Variants in ADGRB1 observed in about 807,000 individuals in gnomAD.
ADGRB1 encodes the protein adhesion G protein-coupled receptor B1.
A neutral mutation model predicts 175.7 loss-of-function variants in ADGRB1; 36 were observed. The ratio of observed to expected loss-of-function variants is 0.20; its 90% CI spans 0.16 to 0.27. ADGRB1 has a LOEUF of 0.27. ADGRB1 is among the 10% of genes least tolerant of loss of function. The pLI, the probability that ADGRB1 is intolerant of heterozygous loss-of-function variation, is 1.00. For missense variants in ADGRB1, 1,731 were observed against 2,255.3 expected, an observed-to-expected ratio of 0.77 and a Z score of 4.71; for synonymous variants, 1,054 against 979.4, an observed-to-expected ratio of 1.08 and a Z score of -1.42.
Position 142,477,139 on chromosome 8 carries a change from C to G in ADGRB1, c.1083C>G (p.Ser361=). 6.3e-7 allele frequency: 1 copy of G among 1,587,444 alleles called. No individual in the cohort carries two copies. The highest frequency in any genetic ancestry group is 8.5e-7 in the Non-Finnish European group (1 of 1,173,912). ...QTGDPAAEEW[S]PWSVCSSTCG... Reference sequence around the variant, plus strand: ...GTGACCCAGCAGCCGAGGAGTGGTCCCCGTGGAGCGTGTGCTCCAGCACCT... The same window carrying G: ...GTGACCCAGCAGCCGAGGAGTGGTCGCCGTGGAGCGTGTGCTCCAGCACCT... Residue 361 remains serine (S), a synonymous_variant, in exon 5 of 31, where the codon TCC becomes TCG. Coordinates refer to ENST00000517894, the MANE Select transcript of ADGRB1 (RefSeq NM_001702.3).
At chr8:142,533,258 G>A (rs891263487) in intron 24 of ADGRB1, 37 bp from the exon 25 acceptor site, 15 of 1,139,336 alleles carry the variant, frequency 1.3e-5, no homozygotes, top group Non-Finnish European at 1.8e-5. Flanking sequence ...CTGGGGGCAG[G>A]GGCGGGGGCG....
chr8:142,502,201 AGGT>A (rs1563718627), intron 17 of ADGRB1, among the ~76,000 whole-genome samples: 4 of 19,344 alleles, frequency 2.1e-4, no homozygotes, highest in African/African-American at 3.7e-4. Flanking sequence ...ATGACAGTGG[AGGT>A]GGTGGTGGTG....
chr8:142,512,011 G>A (rs113650366), intron 18 of ADGRB1, among the ~76,000 whole-genome samples: 3 of 152,370 alleles, frequency 2.0e-5, no homozygotes, highest in African/African-American at 7.2e-5. Context: ...GTAGCGCCTA[G>A]CCTCTCGGAC....
Position 142,484,657 on chromosome 8 carries a change from C to T in ADGRB1, c.2201C>T (p.Ala734Val), listed in dbSNP as rs555997700. Residue 734 changes from alanine to valine, a missense_variant and splice_region_variant, in exon 13 of 31, where the codon GCG becomes GTG. Transcript: ENST00000517894. ...NRDKWEEAQL[A>V]GPNAKELFRL... ...GCTGCTCACCCCCCTGCCCTCCAGG[C>T]GGGCCCCAACGCCAAGGAGCTGTTC... The T allele has an allele frequency of 3.2e-5, 52 of 1,607,542 alleles. No homozygotes were observed. Among genetic ancestry groups the T allele is most frequent in the Middle Eastern group, 3.3e-4 (2 of 6,048 alleles).
chr8:142,516,290 T>TGC (rs1563731144), intron 18 of ADGRB1, among the ~76,000 whole-genome samples: 1 of 120,704 alleles, frequency 8.3e-6, no homozygotes, highest in Admixed American at 8.3e-5. Context: ...TGCGTGTGTG[T>TGC]GGGCCCCAGG....
At chr8:142,509,203 T>C (rs1842964603) in intron 17 of ADGRB1, among the ~76,000 whole-genome samples, 1 of 152,170 alleles carries the variant, frequency 6.6e-6, no homozygotes, top group South Asian at 2.1e-4. Flanking sequence ...CTCTGGGCTA[T>C]CAGACATGGG....
At chr8:142,473,292 T>C (rs1840763494) in intron 2 of ADGRB1, among the ~76,000 whole-genome samples, 1 of 152,050 alleles carries the variant, frequency 6.6e-6, no homozygotes, top group African/African-American at 2.4e-5. Flanking sequence ...CCTGACCCAT[T>C]GTCAGGCCCG....
intron 23 of ADGRB1, among the ~76,000 whole-genome samples, 165 bp from the exon 24 acceptor site, chr8:142,526,377 T>C (rs1014987179): frequency 1.3e-5 from 2 of 152,136 alleles, no homozygotes; most frequent in African/African-American, 4.8e-5. Context: ...GGAGGTCACC[T>C]GACATCCCAT....
chr8:142,542,659 A>G lies in ADGRB1; in HGVS notation c.4413+12A>G, dbSNP rs781555757. 4.6e-6 allele frequency: 7 copies of G among 1,537,796 alleles called. No individual in the cohort carries two copies. The South Asian group carries it at 8.4e-5, about 18-fold the overall frequency. Reference sequence around the variant, plus strand: ...TGAGCTCCCTGGAGGTGAGGGGGGCAGGGGTGGGCCACACCCCAGCCAGCG... The same window carrying G: ...TGAGCTCCCTGGAGGTGAGGGGGGCGGGGGTGGGCCACACCCCAGCCAGCG... On this transcript the variant is annotated intron_variant, in intron 28 of 30. Transcript: ENST00000517894. The surrounding 1 kb of genome is among the most constrained non-coding windows in gnomAD (Gnocchi z 6.3).
chr8:142,538,954 A>G (rs1845100930), intron 26 of ADGRB1, among the ~76,000 whole-genome samples: 1 of 152,130 alleles, frequency 6.6e-6, no homozygotes, highest in African/African-American at 2.4e-5. Context: ...CCTTGGAGAG[A>G]GCACACATGT....
At chr8:142,529,235 T>G (rs964338816) in intron 24 of ADGRB1, among the ~76,000 whole-genome samples, 6 of 149,884 alleles carry the variant, frequency 4.0e-5, no homozygotes, top group African/African-American at 7.4e-5. Flanking sequence ...CCACTGGGGG[T>G]GTGTGGGTAT....
At position 142,462,224 on chromosome 8, in the gene ADGRB1, C is replaced by T. The variant is rs367760880; in HGVS notation, c.-219-1756C>T. 5.4e-4 allele frequency among the ~76,000 whole-genome samples: 82 copies of T among 152,296 alleles called. No individual in the cohort carries two copies. In the Middle Eastern group the frequency reaches 0.01, roughly 19 times the overall value. ...TTCTCTTGGGAGCCCGGAATGTTTGCCAGGAATGAGACCACAGAGGGCCAG... is the reference window on the plus strand; with the variant it reads ...TTCTCTTGGGAGCCCGGAATGTTTGTCAGGAATGAGACCACAGAGGGCCAG... On this transcript the variant is annotated intron_variant, in intron 1 of 30. Transcript: ENST00000517894.
At chr8:142,513,046 G>C (rs901016900) in intron 18 of ADGRB1, among the ~76,000 whole-genome samples, 23 of 152,096 alleles carry the variant, frequency 1.5e-4, no homozygotes, top group Non-Finnish European at 1.5e-5. Flanking sequence ...CTGTCGGGGG[G>C]CGCTTCTAGT....
rs1266405480 is a variant in ADGRB1 at position 142,542,478 on chromosome 8, C to T, written c.4244C>T (p.Pro1415Leu). The change falls in exon 28 of 31, where the codon CCG becomes CTG. Residue 1415 changes from proline to leucine, a missense_variant. Physicochemically the swap from Pro to Leu is moderately conservative, Grantham distance 98. Around this residue, in one of 8 missense-constraint regions of ADGRB1, gnomAD observed 394 missense variants for 410.2 expected, o/e 0.96. Transcript: ENST00000517894. The surrounding 1 kb of genome is among the most constrained non-coding windows in gnomAD (Gnocchi z 6.3). ...CCCCCTGCCCAGCCCCCACCGCCTC[C>T]GCCCCCACCGCCACCACCTCCCCAG... is the stretch of plus-strand genomic sequence containing the variant. ...EAPPAQPPPP[P>L]PPPPPPPQQP... The T allele has an allele frequency of 1.6e-5, 20 of 1,268,332 alleles. No homozygotes were observed. The highest frequency in any genetic ancestry group is 1.1e-4 in the South Asian group (7 of 62,104). The allele number at this position is 1,268,332 out of a possible 1,614,324, so 78.6% of individuals were successfully genotyped here. A position where few individuals can be genotyped will look rare whatever the true frequency, so the allele number is the denominator to read the frequency against.
chr8:142,490,862 C>G, intron 17 of ADGRB1, 47 bp downstream of exon 17: 1 of 1,551,320 alleles, frequency 6.4e-7, no homozygotes, highest in Non-Finnish European at 8.7e-7. Flanking sequence ...GGGTGGGGTT[C>G]GTGGGAGGCT....
chr8:142,475,969 G>A (rs997120595), intron 3 of ADGRB1, among the ~76,000 whole-genome samples: 5 of 151,794 alleles, frequency 3.3e-5, no homozygotes, highest in South Asian at 4.1e-4. Flanking sequence ...GGTGCTTGGG[G>A]CTGGGTGGGA....
Position 142,475,580 on chromosome 8 carries a change from C to T in ADGRB1, c.891C>T (p.Gly297=), listed in dbSNP as rs1840914937. 6 of 1,259,362 alleles carry T rather than the reference C, an allele frequency of 4.8e-6. No individual in the cohort carries two copies. Among genetic ancestry groups the T allele is most frequent in the South Asian group, 7.5e-5 (2 of 26,694 alleles). 78.0% of individuals were successfully genotyped at this position (1,259,362 alleles called of 1,614,324 possible). ...TCLPAPGVEG[G]GCEGVLEEGR... ...TGCCCGCGCCGGGCGTGGAGGGCGG[C>T]GGCTGCGAGGGGGTGCTGGAGGAGG... Residue 297 remains glycine, a synonymous_variant, in exon 3 of 31, where the codon GGC becomes GGT. Coordinates refer to ENST00000517894, the MANE Select transcript of ADGRB1 (RefSeq NM_001702.3).
At position 142,481,502 on chromosome 8, in the gene ADGRB1, C is replaced by G. The variant is rs746796157; in HGVS notation, c.1936-15C>G. On this transcript the variant is annotated splice_polypyrimidine_tract_variant and intron_variant, in intron 10 of 30. Coordinates refer to ENST00000517894, the MANE Select transcript of ADGRB1 (RefSeq NM_001702.3). ...CCACAGAGGTGAAGGCACCCGCCCT[C>G]TCTGTCTTCCGCAGACCCGGGAGCA... 25 of 1,571,972 alleles carry G rather than the reference C, an allele frequency of 1.6e-5. No homozygotes were observed. The East Asian group carries it at 5.8e-4, about 36-fold the overall frequency.
chr8:142,458,440 G>A (rs558677748), intron 1 of ADGRB1, among the ~76,000 whole-genome samples: 33 of 152,306 alleles, frequency 2.2e-4, no homozygotes, highest in Non-Finnish European at 4.1e-4. Flanking sequence ...ACCTCATGCA[G>A]AAGCTGTGAG....
Sources: allele counts gnomAD v4.1 joint callset (sites outside exome capture counted in the v4.1 genomes callset), GRCh38; gene constraint gnomAD v4.1.1; regional missense constraint gnomAD v4.1.1; non-coding constraint Gnocchi (gnomAD v3.1); transcripts MANE v1.5; gene names NCBI Gene and HGNC (gene_info 2026-07-23, HGNC 2026-07-21).